The following KMT2D variants were observed in gnomAD, a reference collection of about 807,000 sequenced individuals.
The protein encoded by KMT2D is lysine methyltransferase 2D.
KMT2D carries 55 observed loss-of-function variants against 512.7 expected under a neutral mutation model. The ratio of observed to expected loss-of-function variants is 0.11; its 90% CI spans 0.09 to 0.13. The LOEUF (loss-of-function observed/expected upper bound fraction) is 0.13. Ranked by LOEUF, KMT2D falls within the 10% of genes least tolerant of loss-of-function variation. KMT2D has a pLI of 1.00. For synonymous variants in KMT2D, 2,995 were observed against 2,904.0 expected, an observed-to-expected ratio of 1.03 and a Z score of -1.01; for missense variants, 6,061 against 7,127.9, an observed-to-expected ratio of 0.85 and a Z score of 5.39.
intron 54 of KMT2D, 53 bp from the exon 55 acceptor site, chr12:49,021,925 G>A (rs1942346212): frequency 6.4e-7 from 1 of 1,568,850 alleles, no homozygotes; most frequent in Non-Finnish European, 8.8e-7. Flanking sequence ...GAAGAGGGGA[G>A]GCCAGAGAAG....
Position 49,044,497 on chromosome 12 carries a change from T to C in KMT2D, c.4989A>G (p.Glu1663=), listed in dbSNP as rs2120584769. Residue 1663 remains glutamate, a synonymous_variant, in exon 21 of 55, where the codon GAA becomes GAG. Coordinates refer to ENST00000301067, the MANE Select transcript of KMT2D (RefSeq NM_003482.4). This position sits in a 1 kb window ranked among gnomAD's most constrained non-coding sequence, Gnocchi z 6.4. ...GGCTGACGGGGCCCTCCAGTTTAAT[T>C]TCGCACTCCATGTGCTCCACACCAC... The part of the protein sequence containing the change: ...GEGGVEHMEC[E]IKLEGPVSPD... The C allele has an allele frequency of 6.2e-7, 1 of 1,613,946 alleles. No homozygotes were observed.
intron 48 of KMT2D, 83 bp downstream of exon 48, chr12:49,027,720 C>G: frequency 6.6e-7 from 1 of 1,508,604 alleles, no homozygotes; most frequent in Non-Finnish European, 9.0e-7. Context: ...TCCCAAAGCA[C>G]TGGGATTACA....
At position 49,024,531 on chromosome 12, in the gene KMT2D, G is replaced by C; in HGVS notation, c.16052+47C>G. 1 of 1,559,196 alleles carries C rather than the reference G, an allele frequency of 6.4e-7. No individual in the cohort carries two copies. The highest frequency in any genetic ancestry group is 1.2e-5 in the South Asian group (1 of 82,520). ...CTCATAATGGGACCAGAGGATCCCT[G>C]TCAACACCCACACCCACATCCCTTG... On this transcript the variant is annotated intron_variant, in intron 51 of 54. Transcript: ENST00000301067. This position sits in a 1 kb window ranked among gnomAD's most constrained non-coding sequence, Gnocchi z 4.5.
In KMT2D at chr12:49,051,582, G is replaced by T; in HGVS notation, c.2101C>A (p.Pro701Thr). 1 of 1,598,992 alleles carries T rather than the reference G, an allele frequency of 6.3e-7. No homozygotes were observed. Among genetic ancestry groups the T allele is most frequent in the Non-Finnish European group, 8.5e-7 (1 of 1,170,898 alleles). Residue 701 changes from proline to threonine, a missense_variant, in exon 11 of 55, where the codon CCA (proline) becomes ACA (threonine). Transcript: ENST00000301067. The stretch of plus-strand genomic sequence containing the variant: ...GGGGAAGCAGGTGAGTCCTCAGGTG[G>T]TGGGGATGTGGGGGAGTCCTCAGGT... Reference protein sequence around the residue: ...PPPEDSPTSPPPEDSPASPPP... With the variant: ...PPPEDSPTSPTPEDSPASPPP...
At chr12:49,025,834 G>A (rs987334547) in intron 49 of KMT2D, among the ~76,000 whole-genome samples, 3 of 152,166 alleles carry the variant, frequency 2.0e-5, no homozygotes, top group Non-Finnish European at 4.4e-5. Flanking sequence ...AAATAATTCT[G>A]ATTTCGTCCA....
At position 49,041,561 on chromosome 12, in the gene KMT2D, C is replaced by T. The variant is rs1943532381; in HGVS notation, c.6235-26G>A. On this transcript the variant is annotated intron_variant, in intron 31 of 54. Coordinates refer to ENST00000301067, the MANE Select transcript of KMT2D (RefSeq NM_003482.4). This position sits in a 1 kb window ranked among gnomAD's most constrained non-coding sequence, Gnocchi z 5.4. ...CTACAGGGGGAGACCAGGCATAGGGCAGTCAGGCTGCTGCAGGCAGGCCCC... is the reference window on the plus strand; with the variant it reads ...CTACAGGGGGAGACCAGGCATAGGGTAGTCAGGCTGCTGCAGGCAGGCCCC... 2 of 1,612,552 alleles carry T rather than the reference C, an allele frequency of 1.2e-6. No individual in the cohort carries two copies. Among genetic ancestry groups the T allele is most frequent in the South Asian group, 1.1e-5 (1 of 90,988 alleles).
chr12:49,053,330 G>A lies in KMT2D; in HGVS notation c.840-9C>T, dbSNP rs772685598. On this transcript the variant is annotated splice_polypyrimidine_tract_variant and intron_variant, in intron 7 of 54. Coordinates refer to ENST00000301067, the MANE Select transcript of KMT2D (RefSeq NM_003482.4). The stretch of plus-strand genomic sequence containing the variant: ...AGTCATTCCCAGGTTTCCTGCAGGT[G>A]CACATGGAACATTACAGTGTCCTCT... The A allele has an allele frequency of 1.9e-6, 3 of 1,609,300 alleles. No individual in the cohort carries two copies. The highest frequency in any genetic ancestry group is 1.1e-5 in the South Asian group (1 of 90,998).
At chr12:49,047,406 CT>C (rs57252968) in intron 15 of KMT2D, among the ~76,000 whole-genome samples, 5,315 of 94,086 alleles carry the variant, frequency 0.056, 58 homozygotes, top group African/African-American at 0.16. Context: ...CCAGTTTTTC[CT>C]TTTTTTTTTT....
chr12:49,056,895 G>C (rs1420444426), intron 1 of KMT2D, among the ~76,000 whole-genome samples: 1 of 152,162 alleles, frequency 6.6e-6, no homozygotes, highest in Non-Finnish European at 1.5e-5. Context: ...TTTATTTCCA[G>C]ATAGTGGCTA....
chr12:49,056,799 A>T (rs1938437040), intron 1 of KMT2D, among the ~76,000 whole-genome samples: 1 of 152,326 alleles, frequency 6.6e-6, no homozygotes, highest in East Asian at 1.9e-4. Context: ...GACAGATGAG[A>T]CAGGGGGAAC....
At chr12:49,023,786 A>G (rs1394458798) in intron 51 of KMT2D, among the ~76,000 whole-genome samples, 2 of 152,198 alleles carry the variant, frequency 1.3e-5, no homozygotes, top group South Asian at 2.1e-4. Context: ...CAGGGCATCA[A>G]GGACAAGGCT....
In KMT2D at chr12:49,043,999, C is replaced by G. The variant is rs2120577091; in HGVS notation, c.5189-1G>C. The G allele has an allele frequency of 6.2e-6, 10 of 1,614,040 alleles. No individual in the cohort carries two copies. The highest frequency in any genetic ancestry group is 8.5e-6 in the Non-Finnish European group (10 of 1,179,892). ...TCTGCAGGCAGGTCAGCAGGTATCA[C>G]TGTGGACAGAACGGAAGTGTCAGAC... is the stretch of plus-strand genomic sequence containing the variant. On this transcript the variant is annotated splice_acceptor_variant, in intron 22 of 54. Coordinates refer to ENST00000301067, the MANE Select transcript of KMT2D (RefSeq NM_003482.4). LOFTEE classifies it high-confidence loss of function.
Position 49,021,388 on chromosome 12 carries a change from C to T in KMT2D, c.*392G>A, listed in dbSNP as rs1283162679. On this transcript the variant is annotated 3_prime_UTR_variant, in exon 55 of 55. Transcript: ENST00000301067. Reference sequence around the variant, plus strand: ...GTCTCTTTGCAGCCGTGAGTTGGGCCGGAGAGGTCAGTGGGAGCAGCAGGG... The same window carrying T: ...GTCTCTTTGCAGCCGTGAGTTGGGCTGGAGAGGTCAGTGGGAGCAGCAGGG... 3 of 288,608 alleles carry T rather than the reference C, an allele frequency of 1.0e-5. No homozygotes were observed. Among genetic ancestry groups the T allele is most frequent in the South Asian group, 9.7e-5 (1 of 10,264 alleles). 17.9% of individuals were successfully genotyped at this position (288,608 alleles called of 1,614,324 possible).
rs2120669884 is a variant in KMT2D, at chr12:49,051,422, G to A, written c.2261C>T (p.Pro754Leu). The A allele has an allele frequency of 1.9e-6, 3 of 1,609,792 alleles. No homozygotes were observed. Among genetic ancestry groups the A allele is most frequent in the Non-Finnish European group, 2.5e-6 (3 of 1,179,238 alleles). Reference sequence around the variant, plus strand: ...AGATAGGTGTGGCTCCTCAGGCCGGGGGGACAGGTGCGGCTCCTCAGGCCG... The same window carrying A: ...AGATAGGTGTGGCTCCTCAGGCCGGAGGGACAGGTGCGGCTCCTCAGGCCG... ...SPRPEEPHLSPRPEEPHLSPQ... is the reference protein window; with the variant it reads ...SPRPEEPHLSLRPEEPHLSPQ... The change falls in exon 11 of 55, where the codon CCC becomes CTC. Residue 754 changes from proline to leucine, a missense_variant. Transcript: ENST00000301067.
rs767115549 is a variant in KMT2D at position 49,041,983 on chromosome 12, T to C, written c.6117A>G (p.Ser2039=). ...GCTTCATGATTTGTTTGCAACGGCT[T>C]GACCAGTCTGGAGGGCAGAGAGAGT... is the stretch of plus-strand genomic sequence containing the variant. The part of the protein sequence containing the change: ...PNLKQDYPDW[S]SRCKQIMKLW... The change falls in exon 30 of 55, where the codon TCA becomes TCG. Residue 2039 remains serine (S), a synonymous_variant. Transcript: ENST00000301067. This position sits in a 1 kb window ranked among gnomAD's most constrained non-coding sequence, Gnocchi z 5.4. 42 of 1,612,416 alleles carry C rather than the reference T, an allele frequency of 2.6e-5. No individual in the cohort carries two copies. The highest frequency in any genetic ancestry group is 3.4e-5 in the Non-Finnish European group (40 of 1,179,272).
Position 49,022,254 on chromosome 12 carries a change from A to C in KMT2D, c.16412+26T>G, listed in dbSNP as rs773197984. The C allele has an allele frequency of 1.3e-6, 2 of 1,588,542 alleles. No individual in the cohort carries two copies. The highest frequency in any genetic ancestry group is 1.7e-6 in the Non-Finnish European group (2 of 1,161,804). On this transcript the variant is annotated intron_variant, in intron 53 of 54. Coordinates refer to ENST00000301067, the MANE Select transcript of KMT2D (RefSeq NM_003482.4). This position sits in a 1 kb window ranked among gnomAD's most constrained non-coding sequence, Gnocchi z 8.6. ...GAGTGCCACTCTCAGGGACCACTAA[A>C]TCCCTCCTTCCTCGTCATCTCTCAC...
intron 1 of KMT2D, 137 bp from the exon 2 acceptor site, chr12:49,055,498 G>C (rs1938356166): frequency 3.4e-6 from 2 of 588,778 alleles, no homozygotes; most frequent in South Asian, 4.5e-5. Flanking sequence ...ATACTGACAA[G>C]AAAGTCATTC....
At chr12:49,047,845 GACTA>G in intron 15 of KMT2D, 116 bp downstream of exon 15, 2 of 678,182 alleles carry the variant, frequency 2.9e-6, no homozygotes, top group Non-Finnish European at 5.4e-6. Flanking sequence ...AACCACTGGT[GACTA>G]ATGAACAACC....
intron 15 of KMT2D, among the ~76,000 whole-genome samples, chr12:49,047,406 C>CTTTTTTT (rs57252968): frequency 1.6e-4 from 15 of 93,882 alleles, no homozygotes; most frequent in Non-Finnish European, 2.3e-4. Flanking sequence ...CCAGTTTTTC[C>CTTTTTTT]TTTTTTTTTT....
Sources: allele counts gnomAD v4.1 joint callset (sites outside exome capture counted in the v4.1 genomes callset), GRCh38; gene constraint gnomAD v4.1.1; non-coding constraint Gnocchi (gnomAD v3.1); transcripts MANE v1.5; gene names NCBI Gene and HGNC (gene_info 2026-07-23, HGNC 2026-07-21).